The following WDPCP variants were observed in gnomAD, a reference collection of about 807,000 sequenced individuals.
The protein encoded by WDPCP is WD repeat containing planar cell polarity effector.
Under a neutral mutation model 93.1 loss-of-function variants are expected in WDPCP, and 71 were observed. The observed-to-expected ratio is 0.76, with a 90% CI of 0.63 to 0.93. The LOEUF (loss-of-function observed/expected upper bound fraction) is 0.93. Ranked by LOEUF, WDPCP falls within the 40% of genes least tolerant of loss-of-function variation. The probability of loss-of-function intolerance (pLI) is 0.00; values close to 1 mark genes in which losing one functional copy is unlikely to be tolerated. For missense variants in WDPCP, 844 were observed against 887.4 expected (o/e 0.95, Z 0.62); for synonymous variants, 315 against 315.0 (o/e 1.00, Z 0.00).
chr2:63,658,257 T>C (rs992470057), intron 2 of WDPCP, among the ~76,000 whole-genome samples: 7 of 152,172 alleles, frequency 4.6e-5, no homozygotes, highest in African/African-American at 1.7e-4. Context: ...CCTGAAACAG[T>C]GCAAGGAGAG....
intron 14 of WDPCP, among the ~76,000 whole-genome samples, chr2:63,257,327 T>C (rs1464212576): frequency 1.3e-5 from 2 of 152,230 alleles, no homozygotes; most frequent in East Asian, 3.9e-4. Flanking sequence ...TTGAATTAAA[T>C]TGAGGGAATT....
chr2:63,674,399 A>G (rs1429511723), intron 2 of WDPCP, among the ~76,000 whole-genome samples: 1 of 152,230 alleles, frequency 6.6e-6, no homozygotes, highest in Non-Finnish European at 1.5e-5. Flanking sequence ...GAAAAGCTAC[A>G]GAGGGGTAAA....
At chr2:63,592,127 CCCTGG>C (rs1709211670), upstream of WDPCP, among the ~76,000 whole-genome samples, 1 of 152,046 alleles carries the variant, frequency 6.6e-6, no homozygotes, top group African/African-American at 2.4e-5. Flanking sequence ...CCAATGGATT[CCCTGG>C]CCTAAAATAG....
rs544090954 is a variant in WDPCP, at chr2:63,239,840, C to G, written c.1915+19467G>C. Among the ~76,000 whole-genome samples, 17 of 152,118 alleles carry G rather than the reference C, an allele frequency of 1.1e-4. 1 individual carries two copies. The highest frequency in any genetic ancestry group is 3.9e-4 in the African/African-American group (16 of 41,502). On this transcript the variant is annotated intron_variant, in intron 14 of 17. Coordinates refer to ENST00000272321, the MANE Select transcript of WDPCP (RefSeq NM_015910.7). ...CTAAGAGGATTTAATTTAAAAGTAT[C>G]TTTTGAATAAAGCAATTTCCCCTCT...
rs138915741 is a variant in WDPCP at position 63,276,647 on chromosome 2, G to T, written c.1813-17238C>A. On this transcript the variant is annotated intron_variant, in intron 13 of 17. Coordinates refer to ENST00000272321, the MANE Select transcript of WDPCP (RefSeq NM_015910.7). ...AAGAACTTCAGAGCTTGAGGACAAG[G>T]CTTTCAAATTAACCCAATCCATCAA... Among the ~76,000 whole-genome samples, 352 of 152,222 alleles carry T rather than the reference G, an allele frequency of 2.3e-3. 2 individuals are homozygous for T. Among genetic ancestry groups the T allele is most frequent in the African/African-American group, 8.1e-3 (336 of 41,528 alleles).
At chr2:63,537,675 A>G (rs190743057) in intron 1 of WDPCP, among the ~76,000 whole-genome samples, 11 of 152,248 alleles carry the variant, frequency 7.2e-5, no homozygotes, top group African/African-American at 2.6e-4. Flanking sequence ...ATGCTTACAC[A>G]CGCTAGGCCT....
At chr2:63,388,464 A>T (rs1476899905) in intron 10 of WDPCP, among the ~76,000 whole-genome samples, 1 of 152,206 alleles carries the variant, frequency 6.6e-6, no homozygotes, top group East Asian at 1.9e-4. Flanking sequence ...AAAAGCTGAA[A>T]ATTCTAAAAA....
chr2:63,652,037 G>A lies in WDPCP; in HGVS notation n.309-1199C>T, dbSNP rs562623028. 1.4e-3 allele frequency among the ~76,000 whole-genome samples: 215 copies of A among 152,272 alleles called. 2 individuals carry two copies. In the South Asian group the frequency reaches 0.018, roughly 13 times the overall value. ...AAAGATTAATTTAAACCCACAGTCT[G>A]GTTTAATCAGTGAGTTAAATGCTGC... On this transcript the variant is annotated intron_variant and non_coding_transcript_variant, in intron 2 of 4. Transcript: ENST00000467687.
intron 2 of WDPCP, among the ~76,000 whole-genome samples, chr2:63,688,814 C>G (rs1668849465): frequency 6.6e-6 from 1 of 151,940 alleles, no homozygotes. Context: ...AATTTGATTG[C>G]CAATATAATG....
intron 1 of WDPCP, among the ~76,000 whole-genome samples, chr2:63,540,234 TTC>T (rs1162099554): frequency 6.6e-6 from 1 of 152,312 alleles, no homozygotes. Context: ...ATCAAAATAT[TTC>T]TGTTTTATTA....
intron 2 of WDPCP, among the ~76,000 whole-genome samples, chr2:63,730,525 G>C (rs577530351): frequency 6.6e-6 from 1 of 152,108 alleles, no homozygotes; most frequent in South Asian, 2.1e-4. Flanking sequence ...GTGCAACAGC[G>C]TAATCTCAGA....
intron 2 of WDPCP, among the ~76,000 whole-genome samples, chr2:63,697,071 G>A (rs924333502): frequency 6.6e-5 from 10 of 152,166 alleles, no homozygotes; most frequent in Non-Finnish European, 1.3e-4. Context: ...ACCAAACAAT[G>A]TAATCCTATT....
intron 2 of WDPCP, among the ~76,000 whole-genome samples, chr2:63,758,304 G>C (rs1669998842): frequency 6.6e-6 from 1 of 151,992 alleles, no homozygotes; most frequent in African/African-American, 2.4e-5. Context: ...CAGCAAAGAA[G>C]AGTGAAAGAC....
At chr2:63,739,500 A>G (rs6732191) in intron 2 of WDPCP, among the ~76,000 whole-genome samples, 63,505 of 151,942 alleles carry the variant, frequency 0.42, 15,225 homozygotes, top group African/African-American at 0.66. Context: ...GGATGCATAT[A>G]TCTTCATGGT....
intron 1 of WDPCP, among the ~76,000 whole-genome samples, chr2:63,552,341 ATTTAAT>A (rs1705741144): frequency 6.6e-6 from 1 of 151,934 alleles, no homozygotes; most frequent in South Asian, 2.1e-4. Flanking sequence ...CATAAAAATT[ATTTAAT>A]TTTAAAGATT....
intron 13 of WDPCP, among the ~76,000 whole-genome samples, chr2:63,276,153 A>G (rs185742319): frequency 2.6e-5 from 4 of 152,186 alleles, no homozygotes. Context: ...TTCCACTCTC[A>G]GGAAACCCCA....
At chr2:63,290,034 T>TA (rs151042826) in intron 13 of WDPCP, among the ~76,000 whole-genome samples, 5,203 of 149,356 alleles carry the variant, frequency 0.035, 145 homozygotes, top group Non-Finnish European at 0.049. Context: ...TCTCTGACTT[T>TA]AAAAAAAAAA....
intron 1 of WDPCP, among the ~76,000 whole-genome samples, chr2:63,541,175 G>GT (rs1704693665): frequency 6.6e-6 from 1 of 152,056 alleles, no homozygotes; most frequent in African/African-American, 2.4e-5. Flanking sequence ...TTTTTGCCGT[G>GT]TTGGTCAGGC....
intron 17 of WDPCP, among the ~76,000 whole-genome samples, chr2:63,135,365 T>A (rs1670543116): frequency 6.6e-6 from 1 of 152,230 alleles, no homozygotes; most frequent in Non-Finnish European, 1.5e-5. Context: ...GCAGTCTTGC[T>A]CTATTGTCCA....
Sources: gnomAD v4.1 joint callset for allele counts (sites outside exome capture counted in the v4.1 genomes callset) on GRCh38, gnomAD v4.1.1 for gene constraint, MANE v1.5 for transcripts, NCBI Gene and HGNC (gene_info 2026-07-23, HGNC 2026-07-21) for gene names.